Variants in TASP1 observed in about 807,000 individuals in gnomAD.
TASP1 encodes taspase 1, also known as threonine aspartase 1.
In TASP1, 16 loss-of-function variants were observed where a neutral mutation model predicts 56.6. The ratio of observed to expected loss-of-function variants is 0.28; its 90% CI spans 0.19 to 0.43. TASP1 has a LOEUF of 0.43. Among genes scored for constraint, TASP1 ranks in the 20% least tolerant of loss-of-function variants. TASP1 has a pLI of 1.00. For missense variants in TASP1, 393 were observed against 511.6 expected, an observed-to-expected ratio of 0.77 and a Z score of 2.24; for synonymous variants, 179 against 184.2, an observed-to-expected ratio of 0.97 and a Z score of 0.23.
chr20:13,316,523 G>A, the TASP1 span, among the ~76,000 whole-genome samples: 50 of 151,784 alleles, frequency 3.3e-4, no homozygotes, highest in South Asian at 7.5e-3. Flanking sequence ...ATGAATATTC[G>A]TGCAAAAATC....
the TASP1 span, among the ~76,000 whole-genome samples, chr20:13,125,275 C>T: frequency 1.3e-5 from 2 of 152,160 alleles, no homozygotes; most frequent in African/African-American, 2.4e-5. Flanking sequence ...AAAATGGCTC[C>T]TACCACTGAA....
chr20:13,364,678 T>A, the TASP1 span, among the ~76,000 whole-genome samples: 1 of 151,778 alleles, frequency 6.6e-6, no homozygotes, highest in African/African-American at 2.4e-5. Flanking sequence ...CAACTTGGTA[T>A]CAACTTGGTC....
At position 13,609,631 on chromosome 20, in the gene TASP1, T is replaced by C. The variant is rs541784956; in HGVS notation, c.282+13815A>G. Reference sequence around the variant, plus strand: ...TGAACCTGGGAGGCGGAGGTTGCAGTGAGCTGAGACGGCGCCATTGCTCCA... The same window carrying C: ...TGAACCTGGGAGGCGGAGGTTGCAGCGAGCTGAGACGGCGCCATTGCTCCA... On this transcript the variant is annotated intron_variant, in intron 4 of 13. Coordinates refer to ENST00000337743, the MANE Select transcript of TASP1 (RefSeq NM_017714.3). 7.1e-4 allele frequency among the ~76,000 whole-genome samples: 100 copies of C among 140,146 alleles called. 3 individuals are homozygous for C. Among genetic ancestry groups the C allele is most frequent in the African/African-American group, 2.6e-3 (97 of 36,840 alleles). The allele number at this position is 140,146 out of a possible 152,430, so 91.9% of individuals were successfully genotyped here.
intron 12 of TASP1, among the ~76,000 whole-genome samples, chr20:13,430,492 C>T (rs571694702): frequency 1.3e-5 from 2 of 152,184 alleles, no homozygotes; most frequent in South Asian, 2.1e-4. Flanking sequence ...CAGTTTTTTG[C>T]GAAGTGGGCT....
chr20:13,304,587 T>A, the TASP1 span, among the ~76,000 whole-genome samples: 2 of 152,160 alleles, frequency 1.3e-5, no homozygotes, highest in Admixed American at 6.5e-5. Context: ...GCTTTTTCCA[T>A]CATCGTGGAG....
At chr20:13,161,584 G>A in the TASP1 span, among the ~76,000 whole-genome samples, 3 of 152,266 alleles carry the variant, frequency 2.0e-5, no homozygotes, top group East Asian at 5.8e-4. Flanking sequence ...CATGTTCAGT[G>A]TAGTATTAAA....
At chr20:13,569,065 T>C (rs558948852) in intron 7 of TASP1, among the ~76,000 whole-genome samples, 2 of 152,260 alleles carry the variant, frequency 1.3e-5, no homozygotes, top group Admixed American at 1.3e-4. Context: ...TTTGTCATAT[T>C]TGTGATAACT....
At chr20:13,629,868 G>T in intron 2 of TASP1, 66 bp downstream of exon 2, 1 of 1,599,538 alleles carries the variant, frequency 6.3e-7, no homozygotes, top group Non-Finnish European at 8.5e-7. Context: ...GATTCTCAGT[G>T]TACTTCAAGG....
the TASP1 span, among the ~76,000 whole-genome samples, chr20:13,199,219 T>C: frequency 2.0e-5 from 3 of 152,100 alleles, no homozygotes; most frequent in South Asian, 6.2e-4. Context: ...TTTTCCTTTT[T>C]TTTGTTTTGT....
Position 13,606,137 on chromosome 20 carries a change from G to A in TASP1, c.282+17309C>T, listed in dbSNP as rs559504080. The stretch of plus-strand genomic sequence containing the variant: ...ATATAGACTGCATGTGTGTGCGTGC[G>A]TGTGTGTGTGTGTGTGTGTAGATGC... On this transcript the variant is annotated intron_variant, in intron 4 of 13. Transcript: ENST00000337743. Among the ~76,000 whole-genome samples, 45 of 25,866 alleles carry A rather than the reference G, an allele frequency of 1.7e-3. No homozygotes were observed. The East Asian group carries it at 0.069, about 40-fold the overall frequency. The allele number at this position is 25,866 out of a possible 152,430, so 17.0% of individuals were successfully genotyped here.
chr20:13,385,004 T>A (rs950029241), downstream of TASP1, among the ~76,000 whole-genome samples: 1 of 152,200 alleles, frequency 6.6e-6, no homozygotes, highest in Non-Finnish European at 1.5e-5. Flanking sequence ...GTCAGAACAA[T>A]GCTGATGTGC....
intron 11 of TASP1, among the ~76,000 whole-genome samples, chr20:13,481,010 C>T (rs1338019101): frequency 6.6e-6 from 1 of 151,996 alleles, no homozygotes; most frequent in Non-Finnish European, 1.5e-5. Context: ...TATTATTGGC[C>T]ATAGTCACCC....
chr20:13,608,880 G>A (rs920824716), intron 4 of TASP1, among the ~76,000 whole-genome samples: 1 of 152,158 alleles, frequency 6.6e-6, no homozygotes, highest in Admixed American at 6.5e-5. Context: ...AAATACATTA[G>A]ATAACATGTC....
chr20:13,444,765 G>C (rs542893161), intron 11 of TASP1, among the ~76,000 whole-genome samples: 3 of 152,182 alleles, frequency 2.0e-5, no homozygotes, highest in African/African-American at 4.8e-5. Flanking sequence ...AGAAACCAAA[G>C]GAAACAAAGA....
intron 11 of TASP1, among the ~76,000 whole-genome samples, chr20:13,458,543 T>C (rs2043933066): frequency 6.6e-6 from 1 of 152,110 alleles, no homozygotes; most frequent in Non-Finnish European, 1.5e-5. Context: ...TTTTACCATG[T>C]TGGCCAGGCT....
intron 4 of TASP1, among the ~76,000 whole-genome samples, chr20:13,595,314 T>C (rs1175225329): frequency 6.6e-6 from 1 of 152,134 alleles, no homozygotes; most frequent in African/African-American, 2.4e-5. Flanking sequence ...AGAAACTGTA[T>C]CAATTAACGG....
Position 13,439,743 on chromosome 20 carries a change from C to A in TASP1, c.986-4589G>T, listed in dbSNP as rs900798562. ...GAAGAAAAGTAAAACAAAACAAGAA[C>A]AAAAAAATTAAAAAGATGAAAAATG... On this transcript the variant is annotated intron_variant, in intron 11 of 13. Transcript: ENST00000337743. 5.3e-5 allele frequency among the ~76,000 whole-genome samples: 8 copies of A among 151,138 alleles called. No individual in the cohort carries two copies. In the East Asian group the frequency reaches 7.8e-4, roughly 15 times the overall value.
intron 1 of TASP1, among the ~76,000 whole-genome samples, chr20:13,632,714 G>T (rs2049144049): frequency 6.6e-6 from 1 of 152,082 alleles, no homozygotes; most frequent in African/African-American, 2.4e-5. Context: ...ACTCCCAATG[G>T]TTACTGAAAT....
At chr20:13,564,552 T>C (rs1320120656) in intron 7 of TASP1, among the ~76,000 whole-genome samples, 4 of 150,646 alleles carry the variant, frequency 2.7e-5, no homozygotes, top group African/African-American at 9.8e-5. Context: ...AAAATCCCAA[T>C]AGTGTTTTTT....
Sources: gnomAD v4.1 joint callset for allele counts (sites outside exome capture counted in the v4.1 genomes callset) on GRCh38, gnomAD v4.1.1 for gene constraint, MANE v1.5 for transcripts, NCBI Gene and HGNC (gene_info 2026-07-23, HGNC 2026-07-21) for gene names.